Variants in CLTCL1 observed in about 807,000 individuals in gnomAD.
CLTCL1 encodes clathrin heavy chain like 1.
In CLTCL1, 159 loss-of-function variants were observed where a neutral mutation model predicts 190.0. The observed-to-expected ratio is 0.84, with a 90% CI of 0.74 to 0.95. CLTCL1 has a LOEUF of 0.95. CLTCL1 is among the 40% of genes least tolerant of loss of function. The pLI is 0.00. For synonymous variants in CLTCL1, 752 were observed against 769.6 expected (o/e 0.98, Z 0.38); for missense variants, 1,878 against 2,033.4 (o/e 0.92, Z 1.47).
chr22:19,262,414 C>T (rs1292892103), intron 2 of CLTCL1, among the ~76,000 whole-genome samples: 4 of 150,422 alleles, frequency 2.7e-5, no homozygotes, highest in Admixed American at 6.6e-5. Flanking sequence ...AGGTGGATCA[C>T]GAAGTCAGGA....
chr22:19,284,862 G>A (rs1311653207), intron 1 of CLTCL1, among the ~76,000 whole-genome samples: 1 of 152,204 alleles, frequency 6.6e-6, no homozygotes, highest in Non-Finnish European at 1.5e-5. Context: ...GCTGAAGCCA[G>A]GAGAATCGCT....
chr22:19,214,424 A>G (rs1158311366), intron 19 of CLTCL1, among the ~76,000 whole-genome samples: 1 of 151,738 alleles, frequency 6.6e-6, no homozygotes, highest in African/African-American at 2.4e-5. Flanking sequence ...TTGGTTTCTC[A>G]TTGGGTTGCT....
Position 19,237,274 on chromosome 22 carries a change from A to C in CLTCL1, c.796-1405T>G, listed in dbSNP as rs571791618. Among the ~76,000 whole-genome samples, 5 of 152,290 alleles carry C rather than the reference A, an allele frequency of 3.3e-5. No homozygotes were observed. In the South Asian group the frequency reaches 1.0e-3, roughly 32 times the overall value. Reference sequence around the variant, plus strand: ...AAGATCGCTCGAGGCCAGGAGTTCAAGACTGGCCTAGGCAACATAGCAAGA... The same window carrying C: ...AAGATCGCTCGAGGCCAGGAGTTCACGACTGGCCTAGGCAACATAGCAAGA... On this transcript the variant is annotated intron_variant, in intron 5 of 32. Transcript: ENST00000427926.
intron 24 of CLTCL1, among the ~76,000 whole-genome samples, chr22:19,199,464 G>C (rs1555937755): frequency 2.6e-5 from 4 of 152,166 alleles, no homozygotes; most frequent in Admixed American, 6.5e-5. Context: ...CCACTGACTG[G>C]GCTTCTGAAG....
At chr22:19,181,028 G>A (rs1210777809) in intron 30 of CLTCL1, 2 of 563,250 alleles carry the variant, frequency 3.6e-6, no homozygotes, top group Admixed American at 6.0e-5. Context: ...GAGATGGAAC[G>A]CCAGGTGGGG....
intron 7 of CLTCL1, among the ~76,000 whole-genome samples, chr22:19,234,068 T>A (rs149816075): frequency 2.0e-5 from 3 of 152,188 alleles, no homozygotes; most frequent in Non-Finnish European, 2.9e-5. Flanking sequence ...GAACAATTTA[T>A]CCAAATGAAA....
At chr22:19,210,873 C>G in intron 19 of CLTCL1, among the ~76,000 whole-genome samples, 1 of 152,068 alleles carries the variant, frequency 6.6e-6, no homozygotes, top group Middle Eastern at 3.2e-3. Context: ...TATTTCTAAG[C>G]AATATAGGCA....
intron 19 of CLTCL1, among the ~76,000 whole-genome samples, chr22:19,211,504 C>CAA (rs2085218390): frequency 6.6e-6 from 1 of 152,138 alleles, no homozygotes; most frequent in Non-Finnish European, 1.5e-5. Flanking sequence ...CCCGGTGTCT[C>CAA]ACGCCTGTAA....
intron 5 of CLTCL1, 128 bp downstream of exon 5, chr22:19,239,147 T>C: frequency 1.3e-6 from 1 of 743,330 alleles, no homozygotes; most frequent in Non-Finnish European, 2.4e-6. Context: ...GGCCTCTAAA[T>C]GGGTTTGAAA....
intron 1 of CLTCL1, among the ~76,000 whole-genome samples, chr22:19,281,759 T>A (rs1434578158): frequency 1.3e-5 from 2 of 152,186 alleles, no homozygotes; most frequent in African/African-American, 4.8e-5. Flanking sequence ...ACATTCTGAT[T>A]TCAACTCCAA....
intron 4 of CLTCL1, among the ~76,000 whole-genome samples, chr22:19,240,369 G>A (rs2145936355): frequency 6.6e-6 from 1 of 152,154 alleles, no homozygotes; most frequent in East Asian, 1.9e-4. Context: ...GCTGGGCTTA[G>A]AGGACACAGA....
intron 31 of CLTCL1, among the ~76,000 whole-genome samples, chr22:19,180,472 G>A (rs2084095831): frequency 6.6e-6 from 1 of 152,174 alleles, no homozygotes; most frequent in Admixed American, 6.5e-5. Flanking sequence ...CAGGGGCCAG[G>A]CCCAGCAGGA....
chr22:19,214,871 G>C (rs2085336943), intron 19 of CLTCL1, among the ~76,000 whole-genome samples: 1 of 152,028 alleles, frequency 6.6e-6, no homozygotes, highest in South Asian at 2.1e-4. Flanking sequence ...GTAGAGACAG[G>C]GTTTCACCCA....
chr22:19,186,854 G>A (rs2084332406), intron 29 of CLTCL1, among the ~76,000 whole-genome samples: 1 of 152,016 alleles, frequency 6.6e-6, no homozygotes, highest in South Asian at 2.1e-4. Flanking sequence ...GCCCACCTCA[G>A]CCTCCCAAAG....
chr22:19,210,455 G>T lies in CLTCL1; in HGVS notation c.3120C>A (p.Val1040=). 2 of 1,614,002 alleles carry T rather than the reference G, an allele frequency of 1.2e-6. No homozygotes were observed. Among genetic ancestry groups the T allele is most frequent in the South Asian group, 1.1e-5 (1 of 91,062 alleles). ...TGTCCAGGCGGCTGATGTACTCCAT[G>T]ACCCGTGTGCGGTCTGCCTTGATGG... is the stretch of plus-strand genomic sequence containing the variant. ...LTAIKADRTR[V]MEYISRLDNY... The change falls in exon 20 of 33, where the codon GTC becomes GTA. Residue 1040 remains valine (V), a synonymous_variant. Coordinates refer to ENST00000427926, the MANE Select transcript of CLTCL1 (RefSeq NM_007098.4).
At chr22:19,184,025 C>T in intron 29 of CLTCL1, 1 of 277,558 alleles carries the variant, frequency 3.6e-6, no homozygotes, top group Non-Finnish European at 7.0e-6. Flanking sequence ...CTAGAAACAG[C>T]AATGTGTTTT....
At chr22:19,260,180 T>C (rs2086894851) in intron 2 of CLTCL1, among the ~76,000 whole-genome samples, 1 of 152,158 alleles carries the variant, frequency 6.6e-6, no homozygotes, top group Non-Finnish European at 1.5e-5. Flanking sequence ...TGAGGTTTAA[T>C]GAAAGAAGCC....
At chr22:19,247,957 GC>G (rs2086471506) in intron 3 of CLTCL1, among the ~76,000 whole-genome samples, 1 of 152,076 alleles carries the variant, frequency 6.6e-6, no homozygotes, top group Admixed American at 6.6e-5. Context: ...GCCCAGTATA[GC>G]CTTGTATGTG....
chr22:19,261,015 A>C (rs1165341533), intron 2 of CLTCL1, among the ~76,000 whole-genome samples: 1 of 152,092 alleles, frequency 6.6e-6, no homozygotes, highest in African/African-American at 2.4e-5. Flanking sequence ...GAGATATACA[A>C]GGAGATGAAA....
Sources: gnomAD v4.1 joint callset for allele counts (sites outside exome capture counted in the v4.1 genomes callset) on GRCh38, gnomAD v4.1.1 for gene constraint, MANE v1.5 for transcripts, NCBI Gene and HGNC (gene_info 2026-07-23, HGNC 2026-07-21) for gene names.